FAM107A: variants seen among roughly 807,000 people sequenced by gnomAD.
The protein encoded by FAM107A is family with sequence similarity 107 member A.
Under a neutral mutation model 13.7 loss-of-function variants are expected in FAM107A, and 19 were observed. That is an observed-to-expected ratio of 1.38 (90% CI 0.97 to 2.03). The LOEUF (loss-of-function observed/expected upper bound fraction) is 2.03, where lower values mean the gene tolerates loss of function less well. Among genes scored for constraint, FAM107A ranks in the 30% most tolerant of loss-of-function variants. The pLI is 0.00. For synonymous variants in FAM107A, 82 were observed against 74.5 expected, an observed-to-expected ratio of 1.10 and a Z score of -0.52; for missense variants, 203 against 184.4, an observed-to-expected ratio of 1.10 and a Z score of -0.58.
upstream of FAM107A, among the ~76,000 whole-genome samples, chr3:58,578,288 C>T (rs1437687276): frequency 6.6e-6 from 1 of 152,146 alleles, no homozygotes; most frequent in African/African-American, 2.4e-5. Flanking sequence ...TAAAAGTAGG[C>T]CAGGCATGGT....
At chr3:58,570,479 C>T (rs2063670239) in intron 1 of FAM107A, 2 of 542,818 alleles carry the variant, frequency 3.7e-6, no homozygotes, top group African/African-American at 2.1e-5. Context: ...CCCACTTCTA[C>T]CACAGCGGTT....
intron 1 of FAM107A, among the ~76,000 whole-genome samples, chr3:58,616,785 T>C (rs2065905593): frequency 6.6e-6 from 1 of 152,122 alleles, no homozygotes; most frequent in Non-Finnish European, 1.5e-5. Flanking sequence ...CCAGTTTCTT[T>C]TTTTTTTAGA....
rs1024403806 is a variant in FAM107A at position 58,613,838 on chromosome 3, C to T, written c.-70+13578G>A. On this transcript the variant is annotated intron_variant, in intron 1 of 3. Coordinates refer to the FAM107A transcript ENST00000465970. The surrounding 1 kb of genome is among the most constrained non-coding windows in gnomAD (Gnocchi z 4.6). ...GGGCAGGAGGCAGAAGGCGGAAGTCCAGCCCTTACGGCCTGTCCAAGGTCT... is the reference window on the plus strand; with the variant it reads ...GGGCAGGAGGCAGAAGGCGGAAGTCTAGCCCTTACGGCCTGTCCAAGGTCT... 6.6e-6 allele frequency among the ~76,000 whole-genome samples: 1 copy of T among 152,350 alleles called. No homozygotes were observed. Among genetic ancestry groups the T allele is most frequent in the African/African-American group, 2.4e-5 (1 of 41,590 alleles).
intron 1 of FAM107A, among the ~76,000 whole-genome samples, chr3:58,599,335 AC>A (rs1342701998): frequency 3.9e-5 from 6 of 152,224 alleles, no homozygotes; most frequent in Non-Finnish European, 8.8e-5. Flanking sequence ...TAGGGCAGAC[AC>A]TGGGAAGTGG....
chr3:58,584,935 T>A (rs903128813), intron 1 of FAM107A, among the ~76,000 whole-genome samples: 2 of 152,240 alleles, frequency 1.3e-5, no homozygotes, highest in Non-Finnish European at 2.9e-5. Context: ...TTTGCTTTTG[T>A]TACTTCATTC....
At chr3:58,588,112 G>A (rs552223408), upstream of FAM107A, among the ~76,000 whole-genome samples, 39 of 152,192 alleles carry the variant, frequency 2.6e-4, no homozygotes, top group Non-Finnish European at 5.1e-4. Flanking sequence ...AGGTGAGGTC[G>A]TTGAGACTTA....
intron 1 of FAM107A, among the ~76,000 whole-genome samples, chr3:58,608,545 A>G (rs1467803173): frequency 1.3e-5 from 2 of 152,240 alleles, no homozygotes; most frequent in Non-Finnish European, 2.9e-5. Flanking sequence ...AAGGTGGTAT[A>G]GTTATCCCCA....
chr3:58,624,994 G>C (rs1354534426), intron 1 of FAM107A, among the ~76,000 whole-genome samples: 1 of 152,034 alleles, frequency 6.6e-6, no homozygotes, highest in African/African-American at 2.4e-5. Context: ...GGAGGTTGGG[G>C]TGGGGCTGAG....
At chr3:58,584,587 G>A (rs1314507163) in intron 1 of FAM107A, among the ~76,000 whole-genome samples, 2 of 152,190 alleles carry the variant, frequency 1.3e-5, no homozygotes, top group Non-Finnish European at 2.9e-5. Flanking sequence ...CTTAAATGGA[G>A]ATAACAATTG....
upstream of FAM107A, among the ~76,000 whole-genome samples, chr3:58,581,534 C>A (rs1043727552): frequency 9.8e-5 from 15 of 152,286 alleles, 1 homozygote; most frequent in Admixed American, 7.8e-4. Flanking sequence ...ATCTCCAAGG[C>A]CCCTTTTCAA....
intron 1 of FAM107A, among the ~76,000 whole-genome samples, chr3:58,612,431 T>A (rs960387503): frequency 1.3e-4 from 19 of 151,804 alleles, no homozygotes; most frequent in African/African-American, 4.4e-4. Context: ...TATAGAAAAA[T>A]TAGCCAGGCC....
rs549982788 is a variant in FAM107A, at chr3:58,604,678, A to G, written c.-69-15409T>C. The stretch of plus-strand genomic sequence containing the variant: ...TGGGGAATAAATTATTACTTTGCTC[A>G]CACGGAGATAAGCAGCTGGCATTTG... On this transcript the variant is annotated intron_variant, in intron 1 of 3. Transcript: ENST00000465970. This position sits in a 1 kb window ranked among gnomAD's most constrained non-coding sequence, Gnocchi z 4.1. 7.4e-4 allele frequency among the ~76,000 whole-genome samples: 113 copies of G among 152,290 alleles called. 1 individual carries two copies. The highest frequency in any genetic ancestry group is 3.1e-4 in the Non-Finnish European group (21 of 68,020).
intron 1 of FAM107A, among the ~76,000 whole-genome samples, chr3:58,583,962 G>T (rs2065576204): frequency 6.6e-6 from 1 of 152,170 alleles, no homozygotes; most frequent in African/African-American, 2.4e-5. Flanking sequence ...ATGACTTGAG[G>T]CTACTGTTAA....
At chr3:58,579,818 C>T (rs1357687220), upstream of FAM107A, among the ~76,000 whole-genome samples, 4 of 152,180 alleles carry the variant, frequency 2.6e-5, no homozygotes, top group African/African-American at 4.8e-5. Context: ...GGATGTTGGG[C>T]GTCATTTTCC....
chr3:58,612,528 C>T (rs778170498), intron 1 of FAM107A, among the ~76,000 whole-genome samples: 9 of 149,828 alleles, frequency 6.0e-5, no homozygotes, highest in Non-Finnish European at 1.2e-4. Context: ...TGAAGTGAGC[C>T]GTGATCACAC....
chr3:58,593,663 ATAC>A (rs1213362667), intron 1 of FAM107A, among the ~76,000 whole-genome samples: 1 of 151,378 alleles, frequency 6.6e-6, no homozygotes, highest in Non-Finnish European at 1.5e-5. Context: ...TACCTCTAAC[ATAC>A]TATCAATCTC....
upstream of FAM107A, among the ~76,000 whole-genome samples, chr3:58,590,536 T>C (rs544460437): frequency 1.3e-5 from 2 of 152,330 alleles, no homozygotes; most frequent in South Asian, 4.1e-4. Flanking sequence ...ACAAAAATGT[T>C]TAATTGGCTC....
At chr3:58,577,605 C>T (rs1469026959), upstream of FAM107A, 1 of 985,282 alleles carries the variant, frequency 1.0e-6, no homozygotes, top group Non-Finnish European at 1.2e-6. The surrounding 1 kb of genome is among the most constrained non-coding windows in gnomAD (Gnocchi z 4.9). Flanking sequence ...CAAATAAATA[C>T]CCATTTTGTC....
At chr3:58,618,407 C>T (rs1210270644) in intron 1 of FAM107A, among the ~76,000 whole-genome samples, 2 of 152,216 alleles carry the variant, frequency 1.3e-5, no homozygotes, top group African/African-American at 2.4e-5. Context: ...GCTGCCCTCT[C>T]TTTTTCTCTC....
Sources: gnomAD v4.1 joint callset for allele counts (sites outside exome capture counted in the v4.1 genomes callset) on GRCh38, gnomAD v4.1.1 for gene constraint, Gnocchi (gnomAD v3.1) non-coding constraint, MANE v1.5 for transcripts, NCBI Gene and HGNC (gene_info 2026-07-23, HGNC 2026-07-21) for gene names.